The following PCNP variants were observed in gnomAD, a reference collection of about 807,000 sequenced individuals.
PCNP encodes PEST proteolytic signal-containing nuclear protein.
A neutral mutation model predicts 21.8 loss-of-function variants in PCNP; 6 were observed. The ratio of observed to expected loss-of-function variants is 0.28; its 90% CI spans 0.15 to 0.54. The LOEUF is 0.54. Among genes scored for constraint, PCNP ranks in the 20% least tolerant of loss-of-function variants. The pLI is 0.95. For missense variants in PCNP, 161 were observed against 215.5 expected (o/e 0.75, Z 1.58); for synonymous variants, 67 against 73.2 (o/e 0.92, Z 0.43).
At chr3:101,574,466 C>T (rs773679325) in intron 1 of PCNP, among the ~76,000 whole-genome samples, 187 bp downstream of exon 1, 2 of 152,210 alleles carry the variant, frequency 1.3e-5, no homozygotes, top group Non-Finnish European at 2.9e-5. Context: ...ACATCGCCTC[C>T]TTGCCTGGGG....
At chr3:101,586,762 A>G (rs369242277) in intron 3 of PCNP, among the ~76,000 whole-genome samples, 2 of 152,034 alleles carry the variant, frequency 1.3e-5, no homozygotes, top group African/African-American at 4.8e-5. Context: ...CATGTTGCCC[A>G]GGCTGGTCTC....
chr3:101,592,812 T>C lies in PCNP; in HGVS notation c.*59T>C. 6 of 1,525,042 alleles carry C rather than the reference T, an allele frequency of 3.9e-6. No individual in the cohort carries two copies. The highest frequency in any genetic ancestry group is 1.4e-5 in the African/African-American group (1 of 71,570). The allele number at this position is 1,525,042 out of a possible 1,614,324, so 94.5% of individuals were successfully genotyped here. The stretch of plus-strand genomic sequence containing the variant: ...TAAAGTTAAAAGGAACAGTTTCCTT[T>C]TTTAAAGAATGGTATAAGACTATCT... On this transcript the variant is annotated 3_prime_UTR_variant, in exon 5 of 5. Coordinates refer to ENST00000265260, the MANE Select transcript of PCNP (RefSeq NM_020357.3).
intron 1 of PCNP, among the ~76,000 whole-genome samples, chr3:101,578,220 GTAGT>G (rs1935035590): frequency 6.6e-6 from 1 of 152,172 alleles, no homozygotes; most frequent in Non-Finnish European, 1.5e-5. Context: ...TCACAGGAAA[GTAGT>G]TATTGTTTGG....
At chr3:101,578,378 G>T (rs149128851) in intron 1 of PCNP, among the ~76,000 whole-genome samples, 248 of 152,292 alleles carry the variant, frequency 1.6e-3, no homozygotes, top group African/African-American at 5.7e-3. Context: ...TTCATAAATT[G>T]AGTTCCGTTT....
intron 4 of PCNP, among the ~76,000 whole-genome samples, chr3:101,590,513 G>A (rs1935749189): frequency 1.3e-5 from 2 of 152,152 alleles, no homozygotes; most frequent in South Asian, 4.1e-4. Flanking sequence ...TTAGTCTCCA[G>A]TTAAAGAAAA....
intron 3 of PCNP, 168 bp from the exon 4 acceptor site, chr3:101,590,043 CATTT>C: frequency 1.7e-6 from 1 of 589,172 alleles, no homozygotes; most frequent in Non-Finnish European, 3.1e-6. Flanking sequence ...AGAAGACAGG[CATTT>C]ATTTTTTAAA....
At chr3:101,581,446 T>A (rs898372801) in intron 2 of PCNP, among the ~76,000 whole-genome samples, 1 of 151,984 alleles carries the variant, frequency 6.6e-6, no homozygotes, top group African/African-American at 2.4e-5. Flanking sequence ...TTATTTATTT[T>A]TTGGAGATGG....
At position 101,589,960 on chromosome 3, in the gene PCNP, TAG is replaced by T. The variant is rs1168284018; in HGVS notation, c.355-254_355-253del. ...AAACAACACAATGGGCAGCATTTAG[TAG>T]CTAAATGGTTTTAGTTCTAGAATGT... On this transcript the variant is annotated intron_variant, in intron 3 of 4. Transcript: ENST00000265260. 1.7e-5 allele frequency: 7 copies of T among 414,650 alleles called. No individual in the cohort carries two copies. In the East Asian group the frequency reaches 3.5e-4, roughly 21 times the overall value. The allele number at this position is 414,650 out of a possible 1,614,324, so 25.7% of individuals were successfully genotyped here.
intron 3 of PCNP, among the ~76,000 whole-genome samples, chr3:101,587,316 G>A (rs898718104): frequency 6.6e-6 from 1 of 151,666 alleles, no homozygotes; most frequent in Non-Finnish European, 1.5e-5. Context: ...AGTAAATACT[G>A]AGTAGCTGCA....
In PCNP at chr3:101,576,219, GT is replaced by G. The variant is rs36064906; in HGVS notation, c.64+1952del. On this transcript the variant is annotated intron_variant, in intron 1 of 4. Transcript: ENST00000265260. ...GCAGTCTACTAAGTTGGAAGTATAA[GT>G]TTTTTTTTTTTATGAATGGTTTCCT... is the stretch of plus-strand genomic sequence containing the variant. Among the ~76,000 whole-genome samples, 1,273 of 141,662 alleles carry G rather than the reference GT, an allele frequency of 9.0e-3. 19 individuals carry two copies. Among genetic ancestry groups the G allele is most frequent in the African/African-American group, 0.031 (1,208 of 38,844 alleles). 92.9% of individuals were successfully genotyped at this position (141,662 alleles called of 152,430 possible). A position where few individuals can be genotyped will look rare whatever the true frequency, so the allele number is the denominator to read the frequency against.
At chr3:101,576,596 G>A (rs548009478) in intron 1 of PCNP, 6 of 1,611,090 alleles carry the variant, frequency 3.7e-6, no homozygotes, top group East Asian at 4.5e-5. Flanking sequence ...CTATGGGCCC[G>A]AATCTTCTTC....
At chr3:101,580,783 G>A (rs1248831871) in intron 2 of PCNP, among the ~76,000 whole-genome samples, 1 of 152,078 alleles carries the variant, frequency 6.6e-6, no homozygotes, top group African/African-American at 2.4e-5. Context: ...GTAGATACTT[G>A]TTTCTGACCT....
chr3:101,590,164 A>G (rs774596418), intron 3 of PCNP, 51 bp from the exon 4 acceptor site: 3 of 941,762 alleles, frequency 3.2e-6, no homozygotes, highest in Admixed American at 1.9e-5. Flanking sequence ...GTAATCAGGA[A>G]TTGAATAAGT....
chr3:101,587,884 A>G (rs147106306), intron 3 of PCNP, among the ~76,000 whole-genome samples: 23 of 152,336 alleles, frequency 1.5e-4, no homozygotes, highest in African/African-American at 5.0e-4. Flanking sequence ...CATTACAACA[A>G]TGGCTTACTT....
intron 1 of PCNP, among the ~76,000 whole-genome samples, 158 bp downstream of exon 1, chr3:101,574,437 C>A (rs1463591157): frequency 1.3e-5 from 2 of 152,228 alleles, no homozygotes; most frequent in African/African-American, 4.8e-5. Context: ...CCCGATGCGG[C>A]CCTCTGGGCT....
At chr3:101,592,464 T>C (rs1935866823) in intron 4 of PCNP, among the ~76,000 whole-genome samples, 163 bp from the exon 5 acceptor site, 1 of 152,196 alleles carries the variant, frequency 6.6e-6, no homozygotes, top group South Asian at 2.1e-4. Flanking sequence ...ATCAGCACCA[T>C]GCCTGGCCTG....
intron 1 of PCNP, among the ~76,000 whole-genome samples, chr3:101,579,107 CT>C (rs1935092560): frequency 6.6e-6 from 1 of 151,692 alleles, no homozygotes; most frequent in Non-Finnish European, 1.5e-5. Context: ...ATGAAAAAAA[CT>C]AACATATAAA....
intron 2 of PCNP, among the ~76,000 whole-genome samples, chr3:101,581,742 T>C (rs1046957740): frequency 4.6e-5 from 7 of 150,958 alleles, no homozygotes; most frequent in African/African-American, 1.7e-4. Context: ...CCCCTCTTTC[T>C]TTTTTTTATT....
chr3:101,586,265 G>T (rs142194321), intron 3 of PCNP, among the ~76,000 whole-genome samples: 2 of 151,488 alleles, frequency 1.3e-5, no homozygotes, highest in African/African-American at 4.9e-5. Flanking sequence ...TGGTGATTCT[G>T]CCAGAAGTTC....
Sources: allele counts gnomAD v4.1 joint callset (sites outside exome capture counted in the v4.1 genomes callset), GRCh38; gene constraint gnomAD v4.1.1; transcripts MANE v1.5; gene names NCBI Gene and HGNC (gene_info 2026-07-23, HGNC 2026-07-21).